SNX8: variants seen among roughly 807,000 people sequenced by gnomAD.
SNX8 encodes sorting nexin 8, also known as sorting nexin-8.
In SNX8, 25 loss-of-function variants were observed where a neutral mutation model predicts 51.6. That is an observed-to-expected ratio of 0.48 (90% CI 0.35 to 0.68). The LOEUF (loss-of-function observed/expected upper bound fraction) is 0.68, where lower values mean the gene tolerates loss of function less well. SNX8 is among the 30% of genes least tolerant of loss of function. The pLI, the probability that SNX8 is intolerant of heterozygous loss-of-function variation, is 0.00. For synonymous variants in SNX8, 324 were observed against 277.0 expected (o/e 1.17, Z -1.68); for missense variants, 695 against 624.0 (o/e 1.11, Z -1.21).
intron 1 of SNX8, among the ~76,000 whole-genome samples, chr7:2,281,081 C>A (rs1200635906): frequency 6.6e-6 from 1 of 152,022 alleles, no homozygotes; most frequent in Non-Finnish European, 1.5e-5. Context: ...GCATGAGACA[C>A]CGCGCCCGGC....
chr7:2,268,423 G>C (rs1431404225), intron 5 of SNX8, among the ~76,000 whole-genome samples: 1 of 143,334 alleles, frequency 7.0e-6, no homozygotes, highest in Non-Finnish European at 1.5e-5. Flanking sequence ...GTCTCCGCCC[G>C]GCAGCCACCC....
intron 7 of SNX8, 55 bp from the exon 8 acceptor site, chr7:2,257,858 C>G: frequency 2.0e-6 from 3 of 1,538,120 alleles, no homozygotes; most frequent in Non-Finnish European, 2.7e-6. Context: ...CCGGTCCCTG[C>G]CCGGGAACTC....
At chr7:2,279,455 C>CA (rs1283136625) in intron 1 of SNX8, among the ~76,000 whole-genome samples, 1 of 152,066 alleles carries the variant, frequency 6.6e-6, no homozygotes. Flanking sequence ...TCCTTTTGTT[C>CA]AAAAAAATCA....
rs984010806 is a variant in SNX8 at position 2,276,479 on chromosome 7, G to C, written c.301-1250C>G. Among the ~76,000 whole-genome samples the C allele has an allele frequency of 2.6e-5, 4 of 152,216 alleles. No individual in the cohort carries two copies. In the East Asian group the frequency reaches 7.7e-4, roughly 29 times the overall value. ...CTCTGGAACACAGTGAAGCACAGCA[G>C]AGCAGACGGCAGGGAGGGGAGACCG... is the stretch of plus-strand genomic sequence containing the variant. On this transcript the variant is annotated intron_variant, in intron 2 of 10. Coordinates refer to ENST00000222990, the MANE Select transcript of SNX8 (RefSeq NM_013321.4).
intron 1 of SNX8, among the ~76,000 whole-genome samples, chr7:2,336,941 G>A (rs1229341042): frequency 6.6e-6 from 1 of 151,868 alleles, no homozygotes; most frequent in Admixed American, 6.6e-5. Flanking sequence ...CCCAGCAGGC[G>A]GAGGTTGCAG....
chr7:2,284,934 G>A (rs1445805460), intron 1 of SNX8, among the ~76,000 whole-genome samples: 1 of 151,960 alleles, frequency 6.6e-6, no homozygotes, highest in Non-Finnish European at 1.5e-5. Flanking sequence ...CTTCTTGGCT[G>A]GGCGGAGTGC....
Position 2,255,132 on chromosome 7 carries a change from C to T in SNX8, c.1322G>A (p.Ser441Asn). Residue 441 changes from serine to asparagine, a missense_variant, in exon 11 of 11, where the codon AGC becomes AAC. By Grantham distance (46) the Ser-to-Asn change is conservative. Coordinates refer to ENST00000222990, the MANE Select transcript of SNX8 (RefSeq NM_013321.4). ...KVWNDLRPKL[S>N]CLFAGPHSTL... ...GCTGTGTGGTCCCGCAAAGAGGCAG[C>T]TGAGCTTGGGCCTCAGGTCGTTCCA... 6.3e-7 allele frequency: 1 copy of T among 1,577,700 alleles called. No individual in the cohort carries two copies. The highest frequency in any genetic ancestry group is 8.6e-7 in the Non-Finnish European group (1 of 1,161,754).
intron 1 of SNX8, among the ~76,000 whole-genome samples, chr7:2,285,769 C>G (rs1431693262): frequency 6.6e-6 from 1 of 152,110 alleles, no homozygotes; most frequent in Non-Finnish European, 1.5e-5. Context: ...TGGGCTCAAG[C>G]AATCCTCCCA....
At chr7:2,275,287 T>G (rs1185847316) in intron 2 of SNX8, 58 bp from the exon 3 acceptor site, 1 of 1,184,198 alleles carries the variant, frequency 8.4e-7, no homozygotes, top group Non-Finnish European at 1.3e-6. Flanking sequence ...GTCGCGTCAC[T>G]TCCCCTCAAC....
intron 1 of SNX8, 28 bp downstream of exon 1, chr7:2,314,300 T>A: frequency 8.2e-7 from 1 of 1,218,970 alleles, no homozygotes; most frequent in Non-Finnish European, 1.0e-6. Flanking sequence ...CCTGGGCAGG[T>A]GGGGGCTACC....
At chr7:2,270,362 G>A (rs1327864861) in intron 4 of SNX8, among the ~76,000 whole-genome samples, 1 of 142,402 alleles carries the variant, frequency 7.0e-6, no homozygotes, top group South Asian at 2.3e-4. Flanking sequence ...CCAGCATGGT[G>A]CGTGCCTGTA....
intron 1 of SNX8, among the ~76,000 whole-genome samples, chr7:2,327,666 C>CA (rs879261045): frequency 2.4e-4 from 36 of 151,362 alleles, no homozygotes; most frequent in African/African-American, 8.7e-4. Context: ...CTCGGCCTCC[C>CA]AAAGTGCTGG....
chr7:2,303,297 C>T (rs1238319766), intron 1 of SNX8, among the ~76,000 whole-genome samples: 2 of 150,900 alleles, frequency 1.3e-5, no homozygotes, highest in Admixed American at 1.3e-4. Flanking sequence ...GGTCAGCCCC[C>T]CGCCCGGCCA....
chr7:2,272,083 G>A, intron 3 of SNX8, 112 bp from the exon 4 acceptor site: 2 of 1,452,612 alleles, frequency 1.4e-6, no homozygotes, highest in Non-Finnish European at 1.9e-6. Context: ...CCAGCGGCTA[G>A]CAGAGGGCAC....
chr7:2,260,606 G>A (rs1440959046), intron 7 of SNX8, among the ~76,000 whole-genome samples: 1 of 152,120 alleles, frequency 6.6e-6, no homozygotes, highest in African/African-American at 2.4e-5. Context: ...TAATAGGTCT[G>A]GGGAGAGTAT....
chr7:2,310,081 G>T (rs559615739), intron 1 of SNX8: 2 of 352,520 alleles, frequency 5.7e-6, no homozygotes, highest in African/African-American at 2.1e-5. Flanking sequence ...ATGTAGGGCC[G>T]CAGGACTGTA....
At chr7:2,305,033 G>A (rs999870671) in intron 1 of SNX8, among the ~76,000 whole-genome samples, 1 of 152,200 alleles carries the variant, frequency 6.6e-6, no homozygotes, top group African/African-American at 2.4e-5. Context: ...AAGCCTTGCT[G>A]TTCCTGCAGA....
chr7:2,319,278 G>A (rs528907005), upstream of SNX8, among the ~76,000 whole-genome samples: 1 of 151,996 alleles, frequency 6.6e-6, no homozygotes, highest in African/African-American at 2.4e-5. Context: ...GGAGGCAGAG[G>A]TTGCAGTGAG....
intron 1 of SNX8, among the ~76,000 whole-genome samples, chr7:2,286,487 A>G (rs1796031142): frequency 6.6e-6 from 1 of 151,850 alleles, no homozygotes; most frequent in Non-Finnish European, 1.5e-5. Flanking sequence ...TTCCATGTGC[A>G]TAAAGCTGTA....
Sources: gnomAD v4.1 joint callset for allele counts (sites outside exome capture counted in the v4.1 genomes callset) on GRCh38, gnomAD v4.1.1 for gene constraint, MANE v1.5 for transcripts, NCBI Gene and HGNC (gene_info 2026-07-23, HGNC 2026-07-21) for gene names.